The following SULT1B1 variants were observed in gnomAD, a reference collection of about 807,000 sequenced individuals.
The protein encoded by SULT1B1 is sulfotransferase 1B1.
In SULT1B1, 28 loss-of-function variants were observed where a neutral mutation model predicts 34.6. That is an observed-to-expected ratio of 0.81 (90% confidence interval 0.60 to 1.11). The LOEUF (loss-of-function observed/expected upper bound fraction) is 1.11, where lower values mean the gene tolerates loss of function less well. Ranked by LOEUF, SULT1B1 falls within the 50% of genes least tolerant of loss-of-function variation. The pLI, the probability that SULT1B1 is intolerant of heterozygous loss-of-function variation, is 0.00. For synonymous variants in SULT1B1, 147 were observed against 110.2 expected, an observed-to-expected ratio of 1.33 and a Z score of -2.09; for missense variants, 374 against 352.2, an observed-to-expected ratio of 1.06 and a Z score of -0.50.
At position 69,749,730 on chromosome 4, in the gene SULT1B1, G is replaced by A. The variant is rs1249823114; in HGVS notation, c.366C>T (p.Asn122=). 1.9e-6 allele frequency: 3 copies of A among 1,612,786 alleles called. No homozygotes were observed. Among genetic ancestry groups the A allele is most frequent in the East Asian group, 2.2e-5 (1 of 44,814 alleles). The change falls in exon 4 of 8, where the codon AAC becomes AAT. Residue 122 remains asparagine, a synonymous_variant. Coordinates refer to ENST00000310613, the MANE Select transcript of SULT1B1 (RefSeq NM_014465.4). ...TDLLPKSFWE[N]NCKMIYLARN... ...GGAGTCTGGAGTATACCTTGCAATT[G>A]TTTTCCCAGAAAGATTTAGGAAGAA...
chr4:69,721,575 G>C lies in SULT1B1; in HGVS notation c.*5513C>G, dbSNP rs1484399162. On this transcript the variant is annotated 3_prime_UTR_variant, in exon 8 of 8. Transcript: ENST00000310613. ...TACTTAACCTTCAAAAGCCTCCAAT[G>C]ACGCAATTTTTATCACACAGAACAT... The C allele has an allele frequency of 6.6e-6, 1 of 152,034 alleles. No individual in the cohort carries two copies. Among genetic ancestry groups the C allele is most frequent in the Non-Finnish European group, 1.5e-5 (1 of 67,962 alleles). 9.4% of individuals were successfully genotyped at this position (152,034 alleles called of 1,614,324 possible). A position where few individuals can be genotyped will look rare whatever the true frequency, so the allele number is the denominator to read the frequency against.
chr4:69,733,535 T>C (rs1418949108), intron 5 of SULT1B1, 28 bp from the exon 6 acceptor site: 7 of 1,468,710 alleles, frequency 4.8e-6, no homozygotes, highest in South Asian at 1.3e-5. Context: ...TCTATTTTCA[T>C]AAACATTCAT....
rs1446076374 is a variant in SULT1B1 at position 69,724,579 on chromosome 4, A to G, written c.*2509T>C. On this transcript the variant is annotated 3_prime_UTR_variant, in exon 8 of 8. Transcript: ENST00000310613. ...GCATTGCCAAGTCAATCCTAAGCCAAAAGAGCAAAGCTGGAAGCATCATAC... is the reference window on the plus strand; with the variant it reads ...GCATTGCCAAGTCAATCCTAAGCCAGAAGAGCAAAGCTGGAAGCATCATAC... 6.6e-6 allele frequency: 1 copy of G among 152,254 alleles called. No individual in the cohort carries two copies. The allele number at this position is 152,254 out of a possible 1,614,324, so 9.4% of individuals were successfully genotyped here.
intron 4 of SULT1B1, among the ~76,000 whole-genome samples, chr4:69,741,471 G>A (rs1718549962): frequency 6.6e-6 from 1 of 152,050 alleles, no homozygotes; most frequent in Non-Finnish European, 1.5e-5. Flanking sequence ...AAATTCCTTT[G>A]GGCAGTATGG....
At chr4:69,759,046 T>C (rs80242151) in intron 1 of SULT1B1, among the ~76,000 whole-genome samples, 6,209 of 152,318 alleles carry the variant, frequency 0.041, 401 homozygotes, top group East Asian at 0.35. Context: ...TACCTTTAAT[T>C]ATCTAATGAT....
In SULT1B1 at chr4:69,750,164, A is replaced by T. The variant is rs190935467; in HGVS notation, c.278-346T>A. ...ATTTGGAGTTTTATTATACCTGTGC[A>T]TTGCTATAAATGACTATTTAAATGT... On this transcript the variant is annotated intron_variant, in intron 3 of 7. Transcript: ENST00000310613. Among the ~76,000 whole-genome samples, 146 of 152,270 alleles carry T rather than the reference A, an allele frequency of 9.6e-4. 1 individual carries two copies. Among genetic ancestry groups the T allele is most frequent in the African/African-American group, 3.3e-3 (139 of 41,568 alleles).
chr4:69,745,008 G>A (rs998640194), intron 4 of SULT1B1, among the ~76,000 whole-genome samples: 2 of 152,076 alleles, frequency 1.3e-5, no homozygotes, highest in Non-Finnish European at 2.9e-5. Context: ...TCAGGGGCAG[G>A]TCATTTAACT....
intron 7 of SULT1B1, 108 bp downstream of exon 7, chr4:69,730,393 A>G: frequency 1.0e-6 from 1 of 988,682 alleles, no homozygotes; most frequent in Non-Finnish European, 1.4e-6. Flanking sequence ...ATTTGCTATA[A>G]AGCTTAAACA....
intron 1 of SULT1B1, among the ~76,000 whole-genome samples, chr4:69,756,042 T>C (rs1719176922): frequency 6.6e-6 from 1 of 152,180 alleles, no homozygotes; most frequent in Admixed American, 6.5e-5. Flanking sequence ...ACTAACCTTT[T>C]CTTCTGCAAT....
chr4:69,734,083 A>T, intron 5 of SULT1B1, 55 bp downstream of exon 5: 1 of 1,339,796 alleles, frequency 7.5e-7, no homozygotes, highest in Non-Finnish European at 1.0e-6. Flanking sequence ...AGTTATTGTT[A>T]ATAGTATTAT....
chr4:69,721,282 C>G lies in SULT1B1; in HGVS notation c.*5806G>C, dbSNP rs1717664023. The G allele has an allele frequency of 6.6e-6, 1 of 151,996 alleles. No homozygotes were observed. The highest frequency in any genetic ancestry group is 2.1e-4 in the South Asian group (1 of 4,818). The allele number at this position is 151,996 out of a possible 1,614,324, so 9.4% of individuals were successfully genotyped here. A position where few individuals can be genotyped will look rare whatever the true frequency, so the allele number is the denominator to read the frequency against. ...TTTTACATATATATATAAAACAGTT[C>G]TAATGATCATACATAAGAAGACATT... On this transcript the variant is annotated 3_prime_UTR_variant, in exon 8 of 8. Transcript: ENST00000310613.
chr4:69,727,893 T>C (rs941308608), intron 7 of SULT1B1, among the ~76,000 whole-genome samples: 4 of 152,164 alleles, frequency 2.6e-5, no homozygotes, highest in African/African-American at 9.6e-5. Flanking sequence ...GAATAAACTT[T>C]TAATGTACTG....
At chr4:69,748,597 T>G (rs1421142249) in intron 4 of SULT1B1, among the ~76,000 whole-genome samples, 1 of 152,154 alleles carries the variant, frequency 6.6e-6, no homozygotes, top group Non-Finnish European at 1.5e-5. Flanking sequence ...TCAGAAAACA[T>G]TTAACAAGAT....
chr4:69,758,172 G>A (rs1719261500), intron 1 of SULT1B1: 1 of 327,796 alleles, frequency 3.1e-6, no homozygotes, highest in South Asian at 1.2e-4. Context: ...TAATGTGGAT[G>A]GTCAAGAAGT....
chr4:69,754,887 C>T (rs1719129393), intron 2 of SULT1B1, 89 bp from the exon 3 acceptor site: 2 of 1,435,000 alleles, frequency 1.4e-6, no homozygotes, highest in Non-Finnish European at 9.5e-7. Context: ...CATCTTAACA[C>T]ATTCTATTAC....
At chr4:69,758,492 A>G in intron 1 of SULT1B1, 1 of 984,410 alleles carries the variant, frequency 1.0e-6, no homozygotes, top group African/African-American at 1.7e-5. Flanking sequence ...CAAATTATCT[A>G]AAGGGAAATA....
chr4:69,734,671 A>T (rs1379806626), intron 4 of SULT1B1, among the ~76,000 whole-genome samples: 1 of 152,194 alleles, frequency 6.6e-6, no homozygotes, highest in Non-Finnish European at 1.5e-5. Context: ...TTCACTTTTC[A>T]CTTCTACCAG....
rs1717700309 is a variant in SULT1B1, at chr4:69,722,889, G to A, written c.*4199C>T. On this transcript the variant is annotated 3_prime_UTR_variant, in exon 8 of 8. Transcript: ENST00000310613. ...CCTTTCAGAACAAGTAAGGGCCCAGGGTACTGTACCTTCAGCTTGAGAACC... is the reference window on the plus strand; with the variant it reads ...CCTTTCAGAACAAGTAAGGGCCCAGAGTACTGTACCTTCAGCTTGAGAACC... 1 of 151,928 alleles carries A rather than the reference G, an allele frequency of 6.6e-6. No individual in the cohort carries two copies. The highest frequency in any genetic ancestry group is 6.6e-5 in the Admixed American group (1 of 15,186). The allele number at this position is 151,928 out of a possible 1,614,324, so 9.4% of individuals were successfully genotyped here. A position where few individuals can be genotyped will look rare whatever the true frequency, so the allele number is the denominator to read the frequency against.
chr4:69,752,285 G>A (rs946423885), intron 3 of SULT1B1, among the ~76,000 whole-genome samples: 3 of 152,162 alleles, frequency 2.0e-5, no homozygotes, highest in African/African-American at 7.2e-5. Context: ...GCCCAGGCTG[G>A]AGTACAGTGG....
Sources: gnomAD v4.1 joint callset for allele counts (sites outside exome capture counted in the v4.1 genomes callset) on GRCh38, gnomAD v4.1.1 for gene constraint, MANE v1.5 for transcripts, NCBI Gene and HGNC (gene_info 2026-07-23, HGNC 2026-07-21) for gene names.